Variants in PLXNA4 observed in about 807,000 individuals in gnomAD.
PLXNA4 encodes the protein plexin-A4.
Under a neutral mutation model 191.8 loss-of-function variants are expected in PLXNA4, and 44 were observed. The observed-to-expected ratio is 0.23, with a 90% CI of 0.18 to 0.29. The LOEUF is 0.29. Among genes scored for constraint, PLXNA4 ranks in the 10% least tolerant of loss-of-function variants. PLXNA4 has a pLI of 1.00. For synonymous variants in PLXNA4, 1,082 were observed against 1,009.5 expected (o/e 1.07, Z -1.36); for missense variants, 1,800 against 2,488.8 (o/e 0.72, Z 5.89).
intron 16 of PLXNA4, among the ~76,000 whole-genome samples, chr7:132,184,223 G>A (rs907587257): frequency 3.3e-5 from 5 of 152,202 alleles, no homozygotes; most frequent in Admixed American, 2.0e-4. Context: ...AGGGGGCAGC[G>A]GGAGGGGGCT....
At chr7:132,500,041 C>T (rs375465968) in intron 2 of PLXNA4, among the ~76,000 whole-genome samples, 6 of 152,296 alleles carry the variant, frequency 3.9e-5, no homozygotes, top group African/African-American at 1.4e-4. Flanking sequence ...ATAAAAGAAA[C>T]AAGCCTGGTG....
Position 132,202,766 on chromosome 7 carries a change from T to C in PLXNA4, c.2466A>G (p.Ala822=). ...GGCCTGGGCCCTGGCACCAGCCACATGCGAAGTCTGGGTCAGCCTTGAGGC... is the reference window on the plus strand; with the variant it reads ...GGCCTGGGCCCTGGCACCAGCCACACGCGAAGTCTGGGTCAGCCTTGAGGC... ...GLCLKADPDF[A]CGWCQGPGQC... Residue 822 remains alanine (A), a synonymous_variant, in exon 12 of 32, where the codon GCA becomes GCG. Coordinates refer to ENST00000321063, the MANE Select transcript of PLXNA4 (RefSeq NM_020911.2). 6.2e-7 allele frequency: 1 copy of C among 1,612,198 alleles called. No homozygotes were observed.
At chr7:132,436,737 GGTCAGT>G (rs1563097774) in intron 3 of PLXNA4, among the ~76,000 whole-genome samples, 1 of 152,206 alleles carries the variant, frequency 6.6e-6, no homozygotes, top group Admixed American at 6.5e-5. Flanking sequence ...ATAGTGAAAA[GGTCAGT>G]GAGCGAGAGA....
upstream of PLXNA4, among the ~76,000 whole-genome samples, chr7:132,580,561 T>G (rs924001228): frequency 6.6e-6 from 1 of 152,148 alleles, no homozygotes; most frequent in African/African-American, 2.4e-5. Flanking sequence ...GCTATGTCTG[T>G]GGGACTTGGG....
At chr7:132,182,301 G>C (rs1428017039) in intron 16 of PLXNA4, 111 bp from the exon 17 acceptor site, 2 of 1,493,008 alleles carry the variant, frequency 1.3e-6, no homozygotes, top group Non-Finnish European at 9.0e-7. Context: ...CTAGGCAGCA[G>C]GGTAATGTTC....
intron 3 of PLXNA4, among the ~76,000 whole-genome samples, chr7:132,364,865 C>T (rs1380866033): frequency 6.6e-6 from 1 of 152,164 alleles, no homozygotes; most frequent in Non-Finnish European, 1.5e-5. Flanking sequence ...ATCGCTTAAT[C>T]CTCATATTCT....
chr7:132,536,170 T>C (rs896719101), intron 1 of PLXNA4, among the ~76,000 whole-genome samples: 1 of 152,226 alleles, frequency 6.6e-6, no homozygotes, highest in African/African-American at 2.4e-5. Context: ...AATGAGTTAA[T>C]AAGTGTAAAT....
At chr7:132,134,115 GCA>G (rs1405127863) in intron 30 of PLXNA4, among the ~76,000 whole-genome samples, 1 of 152,200 alleles carries the variant, frequency 6.6e-6, no homozygotes, top group Non-Finnish European at 1.5e-5. Flanking sequence ...GGTGCATGAA[GCA>G]AGGCACCTAG....
At chr7:132,549,545 G>GA (rs1800462941) in intron 1 of PLXNA4, among the ~76,000 whole-genome samples, 1 of 152,128 alleles carries the variant, frequency 6.6e-6, no homozygotes, top group East Asian at 1.9e-4. Flanking sequence ...ATTTTTGAAA[G>GA]CTGGAACCAT....
At chr7:132,388,669 C>A (rs1376283879) in intron 3 of PLXNA4, among the ~76,000 whole-genome samples, 3 of 152,192 alleles carry the variant, frequency 2.0e-5, no homozygotes, top group African/African-American at 7.2e-5. Context: ...CCAATTACTT[C>A]TCCCAGGGGT....
chr7:132,180,522 G>T, intron 19 of PLXNA4, 64 bp downstream of exon 19: 1 of 1,596,164 alleles, frequency 6.3e-7, no homozygotes. Flanking sequence ...AGCCTTGGTG[G>T]CCTGAGCTCA....
At chr7:132,133,010 C>A (rs377116495) in intron 31 of PLXNA4, 39 bp downstream of exon 31, 1 of 1,598,194 alleles carries the variant, frequency 6.3e-7, no homozygotes, top group Admixed American at 1.7e-5. Flanking sequence ...TTCTCTTCCC[C>A]CTTCCATCCC....
At chr7:132,200,336 G>A (rs1352831792) in intron 12 of PLXNA4, among the ~76,000 whole-genome samples, 1 of 152,190 alleles carries the variant, frequency 6.6e-6, no homozygotes, top group Non-Finnish European at 1.5e-5. Context: ...GCTCTGGGAG[G>A]AGCCGTTCCA....
chr7:132,617,108 G>A (rs978906685), intron 2 of PLXNA4, among the ~76,000 whole-genome samples: 1 of 152,124 alleles, frequency 6.6e-6, no homozygotes. Context: ...GGGGGGTTTC[G>A]TTACATCAGC....
intron 1 of PLXNA4, among the ~76,000 whole-genome samples, chr7:132,535,238 C>A (rs1018133911): frequency 1.3e-5 from 2 of 152,208 alleles, no homozygotes; most frequent in Admixed American, 1.3e-4. Context: ...TAATGATGAA[C>A]CTCCCAATGA....
intron 12 of PLXNA4, among the ~76,000 whole-genome samples, chr7:132,199,183 C>T (rs565068381): frequency 6.6e-6 from 1 of 152,206 alleles, no homozygotes; most frequent in Non-Finnish European, 1.5e-5. Context: ...TTCCCACTCC[C>T]AGCCCCCTCC....
chr7:132,508,997 G>A lies in PLXNA4; in HGVS notation c.-86-218C>T, dbSNP rs555397466. 2.7e-4 allele frequency among the ~76,000 whole-genome samples: 35 copies of A among 130,894 alleles called. No homozygotes were observed. The highest frequency in any genetic ancestry group is 8.7e-4 in the South Asian group (3 of 3,444). 85.9% of individuals were successfully genotyped at this position (130,894 alleles called of 152,430 possible). ...GGAGGACACATCAGTAACGATAATG[G>A]TGGTGATGATAATGACATGATAATA... On this transcript the variant is annotated intron_variant, in intron 1 of 31. Coordinates refer to ENST00000321063, the MANE Select transcript of PLXNA4 (RefSeq NM_020911.2). The surrounding 1 kb of genome is among the most constrained non-coding windows in gnomAD (Gnocchi z 4.4).
intron 3 of PLXNA4, among the ~76,000 whole-genome samples, chr7:132,407,354 C>T: frequency 6.6e-6 from 1 of 152,136 alleles, no homozygotes; most frequent in South Asian, 2.1e-4. Context: ...GTGTGTGGCA[C>T]CCATTTTCTA....
chr7:132,165,292 T>C (rs1796089513), intron 22 of PLXNA4, 92 bp from the exon 23 acceptor site: 3 of 1,503,144 alleles, frequency 2.0e-6, no homozygotes, highest in Non-Finnish European at 2.7e-6. Context: ...AGGGAGGAAT[T>C]GTGCATTGAT....
Sources: gnomAD v4.1 joint callset for allele counts (sites outside exome capture counted in the v4.1 genomes callset) on GRCh38, gnomAD v4.1.1 for gene constraint, Gnocchi (gnomAD v3.1) non-coding constraint, MANE v1.5 for transcripts, NCBI Gene and HGNC (gene_info 2026-07-23, HGNC 2026-07-21) for gene names.